Variants in CFLAR observed in about 807,000 individuals in gnomAD.
CFLAR encodes CASP8 and FADD-like apoptosis regulator.
Under a neutral mutation model 51.1 loss-of-function variants are expected in CFLAR, and 14 were observed. The observed-to-expected ratio is 0.27, with a 90% confidence interval of 0.18 to 0.43. The LOEUF is 0.43. Ranked by LOEUF, CFLAR falls within the 20% of genes least tolerant of loss-of-function variation. The pLI, the probability that CFLAR is intolerant of heterozygous loss-of-function variation, is 1.00. For synonymous variants in CFLAR, 210 were observed against 211.6 expected, an observed-to-expected ratio of 0.99 and a Z score of 0.06; for missense variants, 390 against 566.5, an observed-to-expected ratio of 0.69 and a Z score of 3.16.
intron 5 of CFLAR, 126 bp from the exon 6 acceptor site, chr2:201,145,252 G>A (rs1939875842): frequency 1.7e-6 from 1 of 593,698 alleles, no homozygotes; most frequent in East Asian, 2.8e-5. Context: ...TAATTTAACT[G>A]TTGGGACGAT....
chr2:201,165,021 G>T lies in CFLAR; in HGVS notation c.*1048G>T, dbSNP rs930236487. The T allele has an allele frequency of 5.3e-5, 8 of 151,910 alleles. No homozygotes were observed. Among genetic ancestry groups the T allele is most frequent in the East Asian group, 1.9e-4 (1 of 5,184 alleles). The allele number at this position is 151,910 out of a possible 1,614,324, so 9.4% of individuals were successfully genotyped here. A position where few individuals can be genotyped will look rare whatever the true frequency, so the allele number is the denominator to read the frequency against. On this transcript the variant is annotated 3_prime_UTR_variant, in exon 10 of 10. Transcript: ENST00000309955. ...CTCATCACCTAATTACCTCCCAAAG[G>T]CCCCACCTTCTGATACTGTCACTTT...
intron 6 of CFLAR, chr2:201,145,664 G>A (rs1052193291): frequency 2.4e-5 from 11 of 459,324 alleles, no homozygotes; most frequent in African/African-American, 9.9e-5. Context: ...CATCTTGGCC[G>A]TATGTTAAGA....
At chr2:201,130,187 G>GGGGGCA in intron 2 of CFLAR, 41 bp downstream of exon 2, 2 of 292,390 alleles carry the variant, frequency 6.8e-6, no homozygotes, top group African/African-American at 2.5e-5. Flanking sequence ...GGGTGGGAGG[G>GGGGGCA]AGTGAAGTGT....
chr2:201,140,342 C>T lies in CFLAR; in HGVS notation c.524-15C>T. Reference sequence around the variant, plus strand: ...TTGTAAGTTTTAACTCAGTACCTCCCTTCTGCTTTTATAGTTCAAGGAGCA... The same window carrying T: ...TTGTAAGTTTTAACTCAGTACCTCCTTTCTGCTTTTATAGTTCAAGGAGCA... On this transcript the variant is annotated splice_polypyrimidine_tract_variant and intron_variant, in intron 4 of 9. Transcript: ENST00000309955. The T allele has an allele frequency of 6.3e-7, 1 of 1,594,784 alleles. No homozygotes were observed. Among genetic ancestry groups the T allele is most frequent in the Non-Finnish European group, 8.6e-7 (1 of 1,167,690 alleles).
At position 201,167,578 on chromosome 2, in the gene CFLAR, A is replaced by C. The variant is rs1352163413; in HGVS notation, c.*3605A>C. ...AAGTTATTTTGTACTTGTTTTGAGC[A>C]CAGGACTCCTGAGGGTATCTTTGCA... On this transcript the variant is annotated 3_prime_UTR_variant, in exon 10 of 10. Coordinates refer to ENST00000309955, the MANE Select transcript of CFLAR (RefSeq NM_003879.7). 1.3e-5 allele frequency: 2 copies of C among 152,258 alleles called. No homozygotes were observed. The highest frequency in any genetic ancestry group is 6.5e-5 in the Admixed American group (1 of 15,280). The allele number at this position is 152,258 out of a possible 1,614,324, so 9.4% of individuals were successfully genotyped here. A position where few individuals can be genotyped will look rare whatever the true frequency, so the allele number is the denominator to read the frequency against.
intron 5 of CFLAR, chr2:201,141,727 T>C: frequency 3.4e-6 from 3 of 885,864 alleles, no homozygotes; most frequent in Non-Finnish European, 4.3e-6. Context: ...CACTTATGGT[T>C]GTTGTGTTCC....
At chr2:201,125,818 C>A (rs553460234) in intron 1 of CFLAR, among the ~76,000 whole-genome samples, 3 of 152,238 alleles carry the variant, frequency 2.0e-5, no homozygotes, top group Admixed American at 2.0e-4. Flanking sequence ...TGTGTTATCT[C>A]TTCTCCCTTC....
intron 5 of CFLAR, chr2:201,140,662 C>A: frequency 2.3e-6 from 1 of 444,368 alleles, no homozygotes; most frequent in Admixed American, 4.3e-5. Flanking sequence ...AATAAATCAC[C>A]TATATTCCAC....
In CFLAR at chr2:201,166,586, A is replaced by C. The variant is rs1202931296; in HGVS notation, c.*2613A>C. On this transcript the variant is annotated 3_prime_UTR_variant, in exon 10 of 10. Coordinates refer to ENST00000309955, the MANE Select transcript of CFLAR (RefSeq NM_003879.7). ...GGGTGGCGGCCGGGCAGAAGCTGTA[A>C]TCTCGGCACCCTGGGGGGCCAAGGC... 1 of 181,892 alleles carries C rather than the reference A, an allele frequency of 5.5e-6. No homozygotes were observed. Among genetic ancestry groups the C allele is most frequent in the Non-Finnish European group, 1.1e-5 (1 of 87,700 alleles). 11.3% of individuals were successfully genotyped at this position (181,892 alleles called of 1,614,324 possible).
At chr2:201,130,195 T>C (rs758843538) in intron 2 of CFLAR, 49 bp downstream of exon 2, 13 of 1,415,440 alleles carry the variant, frequency 9.2e-6, no homozygotes, top group African/African-American at 2.9e-5. Context: ...GGGAGTGAAG[T>C]GTCTCAGACT....
Position 201,166,598 on chromosome 2 carries a change from T to TG in CFLAR, c.*2631dup, listed in dbSNP as rs1320850332. The stretch of plus-strand genomic sequence containing the variant: ...GGCAGAAGCTGTAATCTCGGCACCC[T>TG]GGGGGGCCAAGGCAGGCGGCTGGGA... On this transcript the variant is annotated 3_prime_UTR_variant, in exon 10 of 10. Coordinates refer to ENST00000309955, the MANE Select transcript of CFLAR (RefSeq NM_003879.7). 2.2e-5 allele frequency: 4 copies of TG among 180,238 alleles called. No homozygotes were observed. Among genetic ancestry groups the TG allele is most frequent in the Non-Finnish European group, 4.6e-5 (4 of 86,848 alleles). The allele number at this position is 180,238 out of a possible 1,614,324, so 11.2% of individuals were successfully genotyped here.
intron 1 of CFLAR, among the ~76,000 whole-genome samples, chr2:201,125,339 T>G (rs547905535): frequency 6.6e-6 from 1 of 152,212 alleles, no homozygotes; most frequent in African/African-American, 2.4e-5. Flanking sequence ...GGTCCCAGCT[T>G]TATGTGAAAG....
chr2:201,153,824 T>C (rs1223966184), intron 8 of CFLAR, among the ~76,000 whole-genome samples: 4 of 152,044 alleles, frequency 2.6e-5, no homozygotes, highest in Non-Finnish European at 5.9e-5. Flanking sequence ...TACCATAATA[T>C]AGGTACTATT....
rs1317021534 is a variant in CFLAR at position 201,116,742 on chromosome 2, G to A, written c.-138+261G>A. The A allele has an allele frequency of 1.3e-5, 2 of 152,270 alleles. No individual in the cohort carries two copies. Among genetic ancestry groups the A allele is most frequent in the Non-Finnish European group, 2.9e-5 (2 of 68,078 alleles). The allele number at this position is 152,270 out of a possible 1,614,324, so 9.4% of individuals were successfully genotyped here. A position where few individuals can be genotyped will look rare whatever the true frequency, so the allele number is the denominator to read the frequency against. Reference sequence around the variant, plus strand: ...TCGGTTGTTTACCGCGGGCTTTGCGGAATGCCCCCGCTTCCGTTTCCGCCC... The same window carrying A: ...TCGGTTGTTTACCGCGGGCTTTGCGAAATGCCCCCGCTTCCGTTTCCGCCC... On this transcript the variant is annotated intron_variant, in intron 1 of 9. Coordinates refer to ENST00000309955, the MANE Select transcript of CFLAR (RefSeq NM_003879.7). This position sits in a 1 kb window ranked among gnomAD's most constrained non-coding sequence, Gnocchi z 4.8.
At chr2:201,129,643 C>T in intron 1 of CFLAR, 86 bp from the exon 2 acceptor site, 1 of 520,548 alleles carries the variant, frequency 1.9e-6, no homozygotes, top group South Asian at 3.4e-5. Context: ...TCAGGGAGAC[C>T]ACCCAGAAGG....
rs1454455801 is a variant in CFLAR at position 201,129,859 on chromosome 2, G to A, written c.-7G>A. The A allele has an allele frequency of 1.9e-6, 3 of 1,613,630 alleles. No individual in the cohort carries two copies. Among genetic ancestry groups the A allele is most frequent in the Middle Eastern group, 1.7e-4 (1 of 6,058 alleles). ...ACCCTTGTGAGCTTCCCTAGTCTAA[G>A]AGTAGGATGTCTGCTGAAGTCATCC... On this transcript the variant is annotated 5_prime_UTR_variant, in exon 2 of 10. Coordinates refer to ENST00000309955, the MANE Select transcript of CFLAR (RefSeq NM_003879.7).
intron 5 of CFLAR, among the ~76,000 whole-genome samples, chr2:201,142,190 G>T (rs1939075382): frequency 6.6e-6 from 1 of 151,922 alleles, no homozygotes. Context: ...GGGAGAAATT[G>T]CTTGAGCCTG....
chr2:201,124,704 A>C lies in CFLAR; in HGVS notation c.-137-5025A>C, dbSNP rs2048516471. Among the ~76,000 whole-genome samples the C allele has an allele frequency of 6.6e-6, 1 of 152,188 alleles. No homozygotes were observed. The highest frequency in any genetic ancestry group is 6.5e-5 in the Admixed American group (1 of 15,274). On this transcript the variant is annotated intron_variant, in intron 1 of 9. Transcript: ENST00000309955. This position sits in a 1 kb window ranked among gnomAD's most constrained non-coding sequence, Gnocchi z 4.7. ...ATTTGGAGAGGGTGAGGTCTAAAGCAGGGGGAACAGAATGGCTAGGGGAAT... is the reference window on the plus strand; with the variant it reads ...ATTTGGAGAGGGTGAGGTCTAAAGCCGGGGGAACAGAATGGCTAGGGGAAT...
chr2:201,148,776 A>G, intron 6 of CFLAR: 1 of 454,234 alleles, frequency 2.2e-6, no homozygotes, highest in Non-Finnish European at 4.1e-6. Flanking sequence ...TTGCTGTTTA[A>G]GCAGCTTTTC....
Sources: allele counts gnomAD v4.1 joint callset (sites outside exome capture counted in the v4.1 genomes callset), GRCh38; gene constraint gnomAD v4.1.1; non-coding constraint Gnocchi (gnomAD v3.1); transcripts MANE v1.5; gene names NCBI Gene and HGNC (gene_info 2026-07-23, HGNC 2026-07-21).